GFI1B: variants seen among roughly 807,000 people sequenced by gnomAD.
The protein encoded by GFI1B is zinc finger protein Gfi-1b.
Under a neutral mutation model 35.3 loss-of-function variants are expected in GFI1B, and 20 were observed. The ratio of observed to expected loss-of-function variants is 0.57; its 90% CI spans 0.40 to 0.82. The LOEUF (loss-of-function observed/expected upper bound fraction) is 0.82. Ranked by LOEUF, GFI1B falls within the 40% of genes least tolerant of loss-of-function variation. The pLI, the probability that GFI1B is intolerant of heterozygous loss-of-function variation, is 0.00. For synonymous variants in GFI1B, 178 were observed against 177.6 expected (o/e 1.00, Z -0.02); for missense variants, 430 against 446.3 (o/e 0.96, Z 0.33).
intron 1 of GFI1B, among the ~76,000 whole-genome samples, chr9:132,965,565 C>A (rs572779242): frequency 6.6e-6 from 1 of 152,318 alleles, no homozygotes; most frequent in South Asian, 2.1e-4. Flanking sequence ...CGGCTGGGTT[C>A]TAATCCAATG....
At chr9:132,983,298 G>A (rs572142578) in intron 1 of GFI1B, among the ~76,000 whole-genome samples, 1 of 147,768 alleles carries the variant, frequency 6.8e-6, no homozygotes, top group South Asian at 2.2e-4. Context: ...CCGGGTTCAA[G>A]CGATTCTCCT....
intron 1 of GFI1B, among the ~76,000 whole-genome samples, chr9:132,946,259 T>G (rs1164434165): frequency 6.6e-6 from 1 of 152,148 alleles, no homozygotes. Context: ...AGTTTGAATG[T>G]AGGTTTCAGC....
At chr9:132,947,396 A>G (rs2132576697) in intron 1 of GFI1B, 1 of 142,840 alleles carries the variant, frequency 7.0e-6, no homozygotes, top group South Asian at 2.3e-4. Flanking sequence ...GTTCAATTAG[A>G]TTAAATTTAA....
At chr9:132,968,291 A>AT (rs1340726813) in intron 1 of GFI1B, among the ~76,000 whole-genome samples, 3 of 150,652 alleles carry the variant, frequency 2.0e-5, no homozygotes, top group Non-Finnish European at 3.0e-5. Flanking sequence ...TTAAAGAAAA[A>AT]TTTTTTTTTT....
At chr9:132,974,415 C>T (rs1420447185), upstream of GFI1B, among the ~76,000 whole-genome samples, 1 of 151,858 alleles carries the variant, frequency 6.6e-6, no homozygotes, top group African/African-American at 2.4e-5. Context: ...GCCTGGCCAA[C>T]ATGGTGAAAC....
At chr9:132,965,141 T>C (rs561231478) in intron 1 of GFI1B, among the ~76,000 whole-genome samples, 1 of 152,272 alleles carries the variant, frequency 6.6e-6, no homozygotes, top group Non-Finnish European at 1.5e-5. Context: ...CAAAAATAAA[T>C]TAAAAAGCAT....
intron 1 of GFI1B, among the ~76,000 whole-genome samples, chr9:132,984,436 G>A (rs761587367): frequency 7.2e-5 from 11 of 152,182 alleles, no homozygotes; most frequent in East Asian, 1.9e-4. Flanking sequence ...GAATCTGACC[G>A]CGGGAAGGGA....
intron 1 of GFI1B, among the ~76,000 whole-genome samples, chr9:132,958,050 G>A (rs541084600): frequency 9.0e-4 from 137 of 152,284 alleles, no homozygotes; most frequent in African/African-American, 3.0e-3. Flanking sequence ...CACAGTAGGG[G>A]CAGATCACGA....
chr9:132,974,577 A>G (rs886905503), upstream of GFI1B, among the ~76,000 whole-genome samples: 5 of 126,784 alleles, frequency 3.9e-5, no homozygotes, highest in East Asian at 2.7e-4. Flanking sequence ...CCTCCAGCCT[A>G]GGCGACAGAG....
Position 132,991,136 on chromosome 9 carries a change from T to C in GFI1B, c.*86T>C. The C allele has an allele frequency of 8.2e-7, 1 of 1,226,740 alleles. No homozygotes were observed. Among genetic ancestry groups the C allele is most frequent in the Non-Finnish European group, 1.2e-6 (1 of 846,888 alleles). 76.0% of individuals were successfully genotyped at this position (1,226,740 alleles called of 1,614,324 possible). On this transcript the variant is annotated 3_prime_UTR_variant, in exon 7 of 7. Coordinates refer to ENST00000372122, the MANE Select transcript of GFI1B (RefSeq NM_001377304.1). ...GCCTCACATGCCCAAATCTCCAGTC[T>C]CCTGGAGGTGGGACTGGACAGGAGT... is the stretch of plus-strand genomic sequence containing the variant.
At chr9:132,947,439 AAG>A (rs903322066) in intron 1 of GFI1B, among the ~76,000 whole-genome samples, 4 of 151,666 alleles carry the variant, frequency 2.6e-5, no homozygotes, top group Non-Finnish European at 5.9e-5. Context: ...AAGAAAGAAA[AAG>A]AGAATTCATG....
rs767105897 is a variant in GFI1B at position 132,989,763 on chromosome 9, A to C, written c.670A>C (p.Met224Leu). ...HSQERSFECR[M>L]CGKAFKRSST... ...GCAGGAGCGCAGCTTCGAGTGCCGCATGTGCGGCAAGGCCTTCAAGCGCTC... is the reference window on the plus strand; with the variant it reads ...GCAGGAGCGCAGCTTCGAGTGCCGCCTGTGCGGCAAGGCCTTCAAGCGCTC... Residue 224 changes from methionine (M) to leucine (L), a missense_variant, in exon 6 of 7, where the codon ATG (methionine) becomes CTG (leucine). Transcript: ENST00000372122. The surrounding 1 kb of genome is among the most constrained non-coding windows in gnomAD (Gnocchi z 6.2). 2.9e-5 allele frequency: 47 copies of C among 1,614,018 alleles called. No homozygotes were observed. Among genetic ancestry groups the C allele is most frequent in the Non-Finnish European group, 3.7e-5 (44 of 1,179,970 alleles).
intron 1 of GFI1B, among the ~76,000 whole-genome samples, chr9:132,956,446 G>A (rs1848285022): frequency 1.3e-5 from 2 of 152,180 alleles, no homozygotes; most frequent in Admixed American, 1.3e-4. Context: ...GTTGGCAAAA[G>A]TGACAGGCTG....
At chr9:132,949,362 C>T (rs1848168328) in intron 1 of GFI1B, among the ~76,000 whole-genome samples, 1 of 151,874 alleles carries the variant, frequency 6.6e-6, no homozygotes, top group East Asian at 1.9e-4. Context: ...CACACACCCC[C>T]AACCCCCTGA....
intron 1 of GFI1B, among the ~76,000 whole-genome samples, chr9:132,948,190 G>A (rs115158641): frequency 0.014 from 1,687 of 121,224 alleles, 28 homozygotes; most frequent in African/African-American, 0.045. Context: ...TTTATAGATG[G>A]GTGTTTAAAA....
At chr9:132,965,455 C>G (rs1848436889) in intron 1 of GFI1B, among the ~76,000 whole-genome samples, 1 of 152,204 alleles carries the variant, frequency 6.6e-6, no homozygotes, top group Admixed American at 6.5e-5. Flanking sequence ...AAGATAGGTC[C>G]AAATCCTAAC....
At chr9:132,960,907 G>A (rs1434256169) in intron 1 of GFI1B, among the ~76,000 whole-genome samples, 2 of 151,870 alleles carry the variant, frequency 1.3e-5, no homozygotes, top group African/African-American at 4.8e-5. Context: ...AATTGTGCCG[G>A]GCCACACTCC....
intron 1 of GFI1B, among the ~76,000 whole-genome samples, chr9:132,955,077 A>T (rs1265586046): frequency 2.6e-5 from 4 of 152,102 alleles, no homozygotes; most frequent in African/African-American, 7.2e-5. Context: ...CCACATATTT[A>T]CCATTGCTGG....
At chr9:132,962,126 GTTTTTTTTTTCTTT>G (rs1460639686) in intron 1 of GFI1B, among the ~76,000 whole-genome samples, 1,406 of 131,702 alleles carry the variant, frequency 0.011, 21 homozygotes, top group African/African-American at 0.039. Flanking sequence ...ATACAGAATT[GTTTTTTTTTTCTTT>G]TTTTTTTTTT....
Sources: allele counts gnomAD v4.1 joint callset (sites outside exome capture counted in the v4.1 genomes callset), GRCh38; gene constraint gnomAD v4.1.1; non-coding constraint Gnocchi (gnomAD v3.1); transcripts MANE v1.5; gene names NCBI Gene and HGNC (gene_info 2026-07-23, HGNC 2026-07-21).